SPATS2: variants seen among roughly 807,000 people sequenced by gnomAD.
SPATS2 encodes spermatogenesis associated serine rich 2.
A neutral mutation model predicts 63.7 loss-of-function variants in SPATS2; 38 were observed. The ratio of observed to expected loss-of-function variants is 0.60; its 90% CI spans 0.46 to 0.78. The LOEUF is 0.78. SPATS2 is among the 30% of genes least tolerant of loss of function. The probability of loss-of-function intolerance (pLI) is 0.00; values close to 1 mark genes in which losing one functional copy is unlikely to be tolerated. For synonymous variants in SPATS2, 207 were observed against 232.9 expected, an observed-to-expected ratio of 0.89 and a Z score of 1.01; for missense variants, 588 against 666.2, an observed-to-expected ratio of 0.88 and a Z score of 1.29.
In SPATS2 at chr12:49,526,317, G is replaced by A. The variant is rs1947035577; in HGVS notation, c.*62G>A. On this transcript the variant is annotated 3_prime_UTR_variant, in exon 14 of 14. Coordinates refer to ENST00000552918, the MANE Select transcript of SPATS2 (RefSeq NM_023071.4). ...AATTCAACTTGATAACTGGACTTTA[G>A]GAAACTTACAGTTAGATGTAATAAC... 3 of 1,509,564 alleles carry A rather than the reference G, an allele frequency of 2.0e-6. No individual in the cohort carries two copies. The Admixed American group carries it at 7.0e-5, about 35-fold the overall frequency. 93.5% of individuals were successfully genotyped at this position (1,509,564 alleles called of 1,614,324 possible). A position where few individuals can be genotyped will look rare whatever the true frequency, so the allele number is the denominator to read the frequency against.
intron 2 of SPATS2, among the ~76,000 whole-genome samples, chr12:49,439,088 C>T (rs1415684664): frequency 6.6e-6 from 1 of 152,132 alleles, no homozygotes; most frequent in Non-Finnish European, 1.5e-5. Context: ...GAAGGAATCT[C>T]TGAGGAGATG....
intron 2 of SPATS2, among the ~76,000 whole-genome samples, chr12:49,434,015 A>G (rs571604991): frequency 5.3e-5 from 8 of 152,172 alleles, no homozygotes; most frequent in African/African-American, 1.2e-4. Flanking sequence ...AGTTTTCCCA[A>G]CGTCATTTGT....
chr12:49,516,158 AAAAAAAAAAT>A (rs1946839228), intron 10 of SPATS2, among the ~76,000 whole-genome samples: 2 of 36,794 alleles, frequency 5.4e-5, no homozygotes, highest in African/African-American at 2.8e-4. Flanking sequence ...AAAAAAAAAA[AAAAAAAAAAT>A]ATATATATAT....
chr12:49,444,389 A>C (rs889136299), intron 2 of SPATS2, among the ~76,000 whole-genome samples: 1 of 151,206 alleles, frequency 6.6e-6, no homozygotes, highest in Non-Finnish European at 1.5e-5. Context: ...AGCTAATTTA[A>C]ATTTTTTTTT....
At chr12:49,411,714 A>G (rs757319276) in intron 2 of SPATS2, among the ~76,000 whole-genome samples, 6 of 152,218 alleles carry the variant, frequency 3.9e-5, no homozygotes, top group Non-Finnish European at 7.3e-5. Flanking sequence ...CCGCTGCTAA[A>G]TAATTTAGGA....
chr12:49,401,545 T>C (rs1944605431), intron 2 of SPATS2, among the ~76,000 whole-genome samples: 1 of 152,210 alleles, frequency 6.6e-6, no homozygotes, highest in African/African-American at 2.4e-5. Context: ...ATCCCAAACA[T>C]CATATTTTGT....
intron 9 of SPATS2, among the ~76,000 whole-genome samples, chr12:49,501,364 A>T (rs1021781616): frequency 6.6e-6 from 1 of 152,132 alleles, no homozygotes; most frequent in Non-Finnish European, 1.5e-5. Flanking sequence ...AGAGCCAGAG[A>T]GGGCCAAACT....
chr12:49,395,288 G>A (rs1425953336), intron 2 of SPATS2, among the ~76,000 whole-genome samples: 1 of 152,004 alleles, frequency 6.6e-6, no homozygotes, highest in African/African-American at 2.4e-5. Flanking sequence ...GTGAGCCACT[G>A]TGCCCAGTCT....
intron 9 of SPATS2, among the ~76,000 whole-genome samples, chr12:49,501,233 A>T (rs763712472): frequency 1.2e-4 from 18 of 152,086 alleles, no homozygotes; most frequent in Non-Finnish European, 2.2e-4. Context: ...TAGTGAATAG[A>T]GATTTATTTT....
At position 49,398,156 on chromosome 12, in the gene SPATS2, A is replaced by AAAAAG. The variant is rs1555179685; in HGVS notation, c.-244+26881_-244+26885dup. On this transcript the variant is annotated intron_variant, in intron 2 of 13. Transcript: ENST00000552918. ...GTCTCAAAAAAAAAAAAAAAAAAAA[A>AAAAAG]AAAAGAAAAGAAAAGAAAAATTTGA... Among the ~76,000 whole-genome samples, 915 of 142,734 alleles carry AAAAAG rather than the reference A, an allele frequency of 6.4e-3. 5 individuals carry two copies. Among genetic ancestry groups the AAAAAG allele is most frequent in the South Asian group, 7.7e-3 (35 of 4,546 alleles). The allele number at this position is 142,734 out of a possible 152,430, so 93.6% of individuals were successfully genotyped here.
At chr12:49,495,111 TTGC>T in intron 7 of SPATS2, 109 bp downstream of exon 7, 1 of 1,170,072 alleles carries the variant, frequency 8.5e-7, no homozygotes. Context: ...TATCCAGTGC[TTGC>T]TGATTAGTCT....
chr12:49,404,490 GCTGAT>G (rs1167844066), intron 2 of SPATS2, among the ~76,000 whole-genome samples: 1 of 152,040 alleles, frequency 6.6e-6, no homozygotes, highest in Non-Finnish European at 1.5e-5. Context: ...TGTTGCCAAA[GCTGAT>G]CTCCAGCTCC....
chr12:49,484,490 A>T, intron 3 of SPATS2, 100 bp from the exon 4 acceptor site: 3 of 1,105,540 alleles, frequency 2.7e-6, no homozygotes, highest in Non-Finnish European at 2.6e-6. Context: ...AGTTGCTGTT[A>T]ATTGTTTTAT....
chr12:49,435,754 A>G (rs1945269041), intron 2 of SPATS2, among the ~76,000 whole-genome samples: 2 of 150,548 alleles, frequency 1.3e-5, no homozygotes, highest in African/African-American at 2.5e-5. Flanking sequence ...TAAGTGAACA[A>G]AGGTCTCTGG....
chr12:49,371,003 T>A (rs1461258501), intron 1 of SPATS2, among the ~76,000 whole-genome samples: 1 of 152,222 alleles, frequency 6.6e-6, no homozygotes, highest in Non-Finnish European at 1.5e-5. Context: ...ATGAGCCACC[T>A]CACCTGGCCT....
At chr12:49,436,210 T>C (rs1945282428) in intron 2 of SPATS2, among the ~76,000 whole-genome samples, 1 of 150,092 alleles carries the variant, frequency 6.7e-6, no homozygotes, top group African/African-American at 2.5e-5. Flanking sequence ...CACTTCCCAG[T>C]AGGGGCGGCC....
chr12:49,386,214 G>T (rs929124307), intron 2 of SPATS2, among the ~76,000 whole-genome samples: 2 of 151,872 alleles, frequency 1.3e-5, no homozygotes, highest in African/African-American at 4.8e-5. Flanking sequence ...ACCCAGGCTG[G>T]AGTGCAGTGG....
Position 49,494,739 on chromosome 12 carries a change from A to T in SPATS2, c.265-2A>T. Reference sequence around the variant, plus strand: ...TCTTTTTCAAATTTTTAATAACTTTAGAACAAAAAGAAGAAAAACAAACCG... The same window carrying T: ...TCTTTTTCAAATTTTTAATAACTTTTGAACAAAAAGAAGAAAAACAAACCG... On this transcript the variant is annotated splice_acceptor_variant, in intron 6 of 13. Transcript: ENST00000552918. LOFTEE classifies it high-confidence loss of function. 1 of 1,526,322 alleles carries T rather than the reference A, an allele frequency of 6.6e-7. No homozygotes were observed. Among genetic ancestry groups the T allele is most frequent in the Non-Finnish European group, 8.8e-7 (1 of 1,138,990 alleles). 94.5% of individuals were successfully genotyped at this position (1,526,322 alleles called of 1,614,324 possible). A position where few individuals can be genotyped will look rare whatever the true frequency, so the allele number is the denominator to read the frequency against.
At chr12:49,447,821 C>G (rs2137590076) in intron 2 of SPATS2, among the ~76,000 whole-genome samples, 1 of 152,056 alleles carries the variant, frequency 6.6e-6, no homozygotes, top group East Asian at 1.9e-4. Context: ...TAATGATGTT[C>G]TTTGTTTTAT....
Sources: gnomAD v4.1 joint callset for allele counts (sites outside exome capture counted in the v4.1 genomes callset) on GRCh38, gnomAD v4.1.1 for gene constraint, MANE v1.5 for transcripts, NCBI Gene and HGNC (gene_info 2026-07-23, HGNC 2026-07-21) for gene names.